SCOC: variants seen among roughly 807,000 people sequenced by gnomAD.
The protein encoded by SCOC is short coiled coil protein.
SCOC carries 7 observed loss-of-function variants against 9.9 expected under a neutral mutation model. The observed-to-expected ratio is 0.71, with a 90% CI of 0.40 to 1.33. SCOC has a LOEUF of 1.33. SCOC is among the 40% of genes most tolerant of loss of function. SCOC has a pLI of 0.01. For missense variants in SCOC, 66 were observed against 89.7 expected, an observed-to-expected ratio of 0.74 and a Z score of 1.07; for synonymous variants, 19 against 28.2, an observed-to-expected ratio of 0.67 and a Z score of 1.03.
At chr4:140,344,856 T>C (rs1348318573) in intron 2 of SCOC, among the ~76,000 whole-genome samples, 1 of 152,140 alleles carries the variant, frequency 6.6e-6, no homozygotes. Context: ...TGTGGGAGGA[T>C]GCAGTTCGTA....
At chr4:140,303,654 A>G (rs1731877729) in intron 1 of SCOC, among the ~76,000 whole-genome samples, 1 of 152,134 alleles carries the variant, frequency 6.6e-6, no homozygotes, top group East Asian at 1.9e-4. Flanking sequence ...TCCTCAGTTC[A>G]AAGTTCTGAG....
At chr4:140,320,826 T>C (rs1221135049) in intron 1 of SCOC, among the ~76,000 whole-genome samples, 1 of 152,078 alleles carries the variant, frequency 6.6e-6, no homozygotes, top group Non-Finnish European at 1.5e-5. Context: ...GAAAAGAAGC[T>C]TCACTTTGGG....
intron 1 of SCOC, among the ~76,000 whole-genome samples, chr4:140,323,125 C>T (rs1411946552): frequency 6.6e-6 from 1 of 152,094 alleles, no homozygotes; most frequent in Non-Finnish European, 1.5e-5. Context: ...GAAGGTGGGG[C>T]TTGGTGGGAG....
intron 1 of SCOC, among the ~76,000 whole-genome samples, chr4:140,277,303 A>C (rs1230823818): frequency 2.0e-5 from 3 of 151,958 alleles, no homozygotes; most frequent in Non-Finnish European, 4.4e-5. Context: ...CCCCCTCCCC[A>C]CTGTATGAGT....
intron 2 of SCOC, among the ~76,000 whole-genome samples, chr4:140,344,622 G>C (rs1171967439): frequency 1.3e-5 from 2 of 152,130 alleles, no homozygotes; most frequent in African/African-American, 2.4e-5. Context: ...TGGGGTCTTT[G>C]GAAATCAAAG....
At chr4:140,362,305 T>TCTTCTTCTTCTTCTTCTTCTTCTTCTTC (rs1357436782) in intron 2 of SCOC, among the ~76,000 whole-genome samples, 6 of 9,236 alleles carry the variant, frequency 6.5e-4, no homozygotes, top group East Asian at 7.8e-3. Flanking sequence ...TCTTCTTTTT[T>TCTTCTTCTTCTTCTTCTTCTTCTTCTTC]TTTTTTTTTT....
At chr4:140,329,273 G>T (rs1286127549) in intron 1 of SCOC, among the ~76,000 whole-genome samples, 1 of 152,098 alleles carries the variant, frequency 6.6e-6, no homozygotes, top group African/African-American at 2.4e-5. Context: ...CTGGATCCTT[G>T]TCTCTCACCT....
At chr4:140,371,923 G>C (rs1728074272), upstream of SCOC, among the ~76,000 whole-genome samples, 1 of 152,186 alleles carries the variant, frequency 6.6e-6, no homozygotes, top group Admixed American at 6.5e-5. Context: ...ATGATATATA[G>C]AACTATTCAG....
upstream of SCOC, among the ~76,000 whole-genome samples, chr4:140,340,885 G>A (rs1028399772): frequency 3.7e-5 from 5 of 133,990 alleles, no homozygotes; most frequent in Non-Finnish European, 4.7e-5. Flanking sequence ...TCCACCTCCC[G>A]GGTTCAAGCA....
intron 1 of SCOC, among the ~76,000 whole-genome samples, chr4:140,310,312 T>A (rs912249393): frequency 6.6e-6 from 1 of 152,206 alleles, no homozygotes; most frequent in Non-Finnish European, 1.5e-5. Flanking sequence ...AATAGGCTTC[T>A]GCTGCTTCTC....
At chr4:140,366,959 A>G in intron 2 of SCOC, 1 of 484,760 alleles carries the variant, frequency 2.1e-6, no homozygotes, top group Non-Finnish European at 3.8e-6. Context: ...TAATCCCAGC[A>G]CTTTGGGAGG....
chr4:140,273,160 C>T (rs1279477376), intron 1 of SCOC, among the ~76,000 whole-genome samples: 2 of 151,870 alleles, frequency 1.3e-5, no homozygotes, highest in Non-Finnish European at 2.9e-5. Flanking sequence ...ATGAGCAGGT[C>T]GGCTGGAAAA....
At chr4:140,288,006 T>C (rs1342512502) in intron 1 of SCOC, among the ~76,000 whole-genome samples, 1 of 151,908 alleles carries the variant, frequency 6.6e-6, no homozygotes, top group Non-Finnish European at 1.5e-5. Context: ...GCACCACACA[T>C]GTACATACAC....
Position 140,379,216 on chromosome 4 carries a change from G to A in SCOC, c.22+24G>A, listed in dbSNP as rs1728469979. On this transcript the variant is annotated intron_variant, in intron 2 of 3. Coordinates refer to ENST00000608372, the MANE Select transcript of SCOC (RefSeq NM_001153484.2). ...TGGTATGTTCTTCATTTTCTTTTTT[G>A]TATACTCCTGGTTTTGTGGATGCTT... 4 of 1,469,724 alleles carry A rather than the reference G, an allele frequency of 2.7e-6. No individual in the cohort carries two copies. In the South Asian group the frequency reaches 4.5e-5, roughly 17 times the overall value. 91.0% of individuals were successfully genotyped at this position (1,469,724 alleles called of 1,614,324 possible).
chr4:140,262,180 A>G (rs752276372), intron 1 of SCOC, among the ~76,000 whole-genome samples: 6 of 152,192 alleles, frequency 3.9e-5, no homozygotes, highest in South Asian at 2.1e-4. Flanking sequence ...TATTAGACCT[A>G]TGAAAGAAAG....
chr4:140,371,362 T>C (rs1018727583), upstream of SCOC, among the ~76,000 whole-genome samples: 2 of 152,246 alleles, frequency 1.3e-5, no homozygotes, highest in Non-Finnish European at 2.9e-5. Context: ...TATACAGACA[T>C]ACGCTTTTCT....
intron 2 of SCOC, chr4:140,360,804 C>T (rs887997300): frequency 6.6e-6 from 1 of 152,246 alleles, no homozygotes; most frequent in Admixed American, 6.5e-5. Context: ...AAATGAAGTA[C>T]AGGAGGTTTC....
chr4:140,297,274 G>C (rs1024512127), intron 1 of SCOC, among the ~76,000 whole-genome samples: 41 of 151,702 alleles, frequency 2.7e-4, no homozygotes, highest in South Asian at 4.2e-4. Flanking sequence ...GACTGTGGGG[G>C]GGGGGGCACT....
intron 2 of SCOC, among the ~76,000 whole-genome samples, chr4:140,361,200 T>G (rs1178204926): frequency 6.7e-6 from 1 of 149,934 alleles, no homozygotes; most frequent in African/African-American, 2.5e-5. Flanking sequence ...ACCATTTCTG[T>G]CAATGGTCCC....
Sources: allele counts gnomAD v4.1 joint callset (sites outside exome capture counted in the v4.1 genomes callset), GRCh38; gene constraint gnomAD v4.1.1; transcripts MANE v1.5; gene names NCBI Gene and HGNC (gene_info 2026-07-23, HGNC 2026-07-21).